Variants in ADGB observed in about 807,000 individuals in gnomAD.
The protein encoded by ADGB is androglobin.
Under a neutral mutation model 210.5 loss-of-function variants are expected in ADGB, and 172 were observed. The ratio of observed to expected loss-of-function variants is 0.82; its 90% CI spans 0.72 to 0.93. The LOEUF (loss-of-function observed/expected upper bound fraction) is 0.93. Among genes scored for constraint, ADGB ranks in the 40% least tolerant of loss-of-function variants. ADGB has a pLI of 0.00. For synonymous variants in ADGB, 658 were observed against 662.7 expected, an observed-to-expected ratio of 0.99 and a Z score of 0.11; for missense variants, 2,025 against 1,964.8, an observed-to-expected ratio of 1.03 and a Z score of -0.58.
At chr6:146,709,605 G>T (rs1776631062) in intron 13 of ADGB, among the ~76,000 whole-genome samples, 1 of 152,192 alleles carries the variant, frequency 6.6e-6, no homozygotes, top group Non-Finnish European at 1.5e-5. Flanking sequence ...GCTTCTGCAA[G>T]GGTGGGCCTG....
chr6:146,687,822 T>C (rs1256237062), intron 10 of ADGB, among the ~76,000 whole-genome samples: 1 of 152,096 alleles, frequency 6.6e-6, no homozygotes, highest in African/African-American at 2.4e-5. Flanking sequence ...TGGAGTGCCA[T>C]AGTCTCATGT....
rs1054374155 is a variant in ADGB, at chr6:146,733,141, C to A, written c.2542C>A (p.Arg848Ser). ...TCAGGTTTTTCATCTTTCCTTATGG[C>A]GTTTAATGAAAAAAGTTCAAATAAC... ...HFRVFHLSLW[R>S]LMKKVQITKP... Residue 848 changes from arginine to serine, a missense_variant, in exon 21 of 36, where the codon CGT (arginine) becomes AGT (serine). Arg to Ser is a moderately radical substitution (Grantham distance 110). Transcript: ENST00000397944. 1 of 1,526,524 alleles carries A rather than the reference C, an allele frequency of 6.6e-7. No homozygotes were observed. The allele number at this position is 1,526,524 out of a possible 1,614,324, so 94.6% of individuals were successfully genotyped here.
chr6:146,728,147 AT>A (rs1008474028), intron 19 of ADGB, among the ~76,000 whole-genome samples: 4 of 152,028 alleles, frequency 2.6e-5, no homozygotes, highest in East Asian at 1.9e-4. Context: ...TTGCTTTATG[AT>A]TTTTTTTAAG....
At chr6:146,733,742 G>T in intron 21 of ADGB, 151 bp from the exon 22 acceptor site, 2 of 834,432 alleles carry the variant, frequency 2.4e-6, no homozygotes, top group South Asian at 3.4e-5. Flanking sequence ...ATTCTAACAA[G>T]AACCACCTAG....
intron 7 of ADGB, among the ~76,000 whole-genome samples, chr6:146,670,865 A>G (rs549165873): frequency 1.3e-5 from 2 of 152,334 alleles, no homozygotes; most frequent in Non-Finnish European, 2.9e-5. Flanking sequence ...GAGAGCGTAA[A>G]AGATTCTTTG....
At chr6:146,640,244 G>A (rs1173950561) in intron 2 of ADGB, among the ~76,000 whole-genome samples, 3 of 151,880 alleles carry the variant, frequency 2.0e-5, no homozygotes, top group Non-Finnish European at 4.4e-5. Flanking sequence ...CCAATAACAA[G>A]CTCTGAAATG....
intron 29 of ADGB, among the ~76,000 whole-genome samples, chr6:146,774,645 ATATT>A (rs1198848072): frequency 6.6e-6 from 1 of 152,156 alleles, no homozygotes; most frequent in Admixed American, 6.6e-5. Context: ...ATGTTTATAA[ATATT>A]TAGTCAATTT....
In ADGB at chr6:146,635,450, G is replaced by A. The variant is rs1775404100; in HGVS notation, c.150G>A (p.Glu50=). 1 of 1,548,542 alleles carries A rather than the reference G, an allele frequency of 6.5e-7. No individual in the cohort carries two copies. The change falls in exon 2 of 36, where the codon GAG becomes GAA. Residue 50 remains glutamate, a synonymous_variant. Coordinates refer to ENST00000397944, the MANE Select transcript of ADGB (RefSeq NM_024694.4). ...AGGGGAAATTCCCACTCTGGCCAGA[G>A]TGGAGTGAAGCTGACATAAATTCAG... ...QKKGKFPLWP[E]WSEADINSEK... is the part of the protein sequence containing the mutation.
Position 146,774,921 on chromosome 6 carries a change from C to G in ADGB, c.3862+5790C>G, listed in dbSNP as rs954627322. Among the ~76,000 whole-genome samples, 3 of 152,066 alleles carry G rather than the reference C, an allele frequency of 2.0e-5. No homozygotes were observed. The East Asian group carries it at 5.8e-4, about 29-fold the overall frequency. On this transcript the variant is annotated intron_variant, in intron 29 of 35. Coordinates refer to ENST00000397944, the MANE Select transcript of ADGB (RefSeq NM_024694.4). ...CCAAGTAGCTGGGATTACAGACGTG[C>G]GCCACCATGCCTGGCTAATTTTTGT... is the stretch of plus-strand genomic sequence containing the variant.
chr6:146,730,129 A>T (rs1237404476), intron 20 of ADGB, among the ~76,000 whole-genome samples: 1 of 152,110 alleles, frequency 6.6e-6, no homozygotes, highest in Non-Finnish European at 1.5e-5. Context: ...ATACTTCTAA[A>T]ATTACTTACA....
At chr6:146,653,887 T>G (rs1174510116) in intron 3 of ADGB, among the ~76,000 whole-genome samples, 1 of 152,216 alleles carries the variant, frequency 6.6e-6, no homozygotes, top group Non-Finnish European at 1.5e-5. Context: ...CTTATTTCTC[T>G]GGTTGTGAGA....
intron 2 of ADGB, among the ~76,000 whole-genome samples, chr6:146,644,143 C>T (rs1263632930): frequency 6.6e-6 from 1 of 151,614 alleles, no homozygotes; most frequent in Non-Finnish European, 1.5e-5. Flanking sequence ...ACTGTCAATG[C>T]CAATATCCTG....
chr6:146,641,900 C>G (rs899886215), intron 2 of ADGB, among the ~76,000 whole-genome samples: 2 of 151,964 alleles, frequency 1.3e-5, no homozygotes, highest in African/African-American at 4.8e-5. Flanking sequence ...CAAAAATTGA[C>G]AAGTGGATCT....
intron 13 of ADGB, among the ~76,000 whole-genome samples, chr6:146,703,669 T>C (rs1228724830): frequency 6.6e-6 from 1 of 152,022 alleles, no homozygotes; most frequent in Non-Finnish European, 1.5e-5. Flanking sequence ...TATTCTATTT[T>C]GTATATATAC....
At chr6:146,807,992 G>GTTTTTTTTTTTTTTTTTTTTTTTTTTTT (rs369961809) in intron 35 of ADGB, among the ~76,000 whole-genome samples, 4 of 103,162 alleles carry the variant, frequency 3.9e-5, no homozygotes, top group African/African-American at 7.6e-5. Flanking sequence ...CTATGCTTCA[G>GTTTTTTTTTTTTTTTTTTTTTTTTTTTT]TTTTTTTTTT....
intron 24 of ADGB, 75 bp downstream of exon 24, chr6:146,740,668 T>C: frequency 6.9e-7 from 1 of 1,439,530 alleles, no homozygotes; most frequent in Non-Finnish European, 9.3e-7. Flanking sequence ...TTTCTGATAG[T>C]AGTAAAGGTA....
intron 5 of ADGB, among the ~76,000 whole-genome samples, chr6:146,657,320 CA>C (rs59612556): frequency 0.046 from 6,529 of 142,248 alleles, 184 homozygotes; most frequent in African/African-American, 0.068. Flanking sequence ...AGCAAAACTC[CA>C]AAAAAAAAAA....
chr6:146,633,938 G>C (rs754547456), intron 1 of ADGB, among the ~76,000 whole-genome samples: 35 of 152,194 alleles, frequency 2.3e-4, no homozygotes, highest in Middle Eastern at 3.4e-3. Context: ...GTCTTCAGTA[G>C]TGTACAGTAA....
chr6:146,625,903 C>T (rs915510925), intron 1 of ADGB, among the ~76,000 whole-genome samples: 1 of 151,992 alleles, frequency 6.6e-6, no homozygotes, highest in Non-Finnish European at 1.5e-5. Context: ...GGTTAAATTA[C>T]ATTTAATGTG....
Sources: gnomAD v4.1 joint callset for allele counts (sites outside exome capture counted in the v4.1 genomes callset) on GRCh38, gnomAD v4.1.1 for gene constraint, MANE v1.5 for transcripts, NCBI Gene and HGNC (gene_info 2026-07-23, HGNC 2026-07-21) for gene names.